ERAP1: variants seen among roughly 807,000 people sequenced by gnomAD.
ERAP1 encodes the protein adipocyte-derived leucine aminopeptidase.
A neutral mutation model predicts 103.7 loss-of-function variants in ERAP1; 86 were observed. The observed-to-expected ratio is 0.83, with a 90% CI of 0.70 to 0.99. The LOEUF (loss-of-function observed/expected upper bound fraction) is 0.99, where lower values mean the gene tolerates loss of function less well. ERAP1 is among the 50% of genes least tolerant of loss of function. ERAP1 has a pLI of 0.00. For missense variants in ERAP1, 1,009 were observed against 1,128.4 expected (o/e 0.89, Z 1.52); for synonymous variants, 398 against 402.4 (o/e 0.99, Z 0.13).
the ERAP1 span, among the ~76,000 whole-genome samples, chr5:96,928,328 T>A: frequency 5.3e-5 from 8 of 152,230 alleles, no homozygotes; most frequent in Non-Finnish European, 1.0e-4. Flanking sequence ...ATCCCCCATA[T>A]TTCAGAATGT....
chr5:96,921,396 T>A, the ERAP1 span, among the ~76,000 whole-genome samples: 2 of 152,246 alleles, frequency 1.3e-5, no homozygotes, highest in Non-Finnish European at 2.9e-5. Context: ...ATTTATTTTC[T>A]TATGTACAAA....
At chr5:96,908,305 C>T in the ERAP1 span, among the ~76,000 whole-genome samples, 554 of 152,252 alleles carry the variant, frequency 3.6e-3, 3 homozygotes, top group African/African-American at 0.013. Flanking sequence ...TATAATCGTT[C>T]GTTTCCTCTA....
chr5:96,815,234 G>A, the ERAP1 span, among the ~76,000 whole-genome samples: 1 of 152,130 alleles, frequency 6.6e-6, no homozygotes, highest in African/African-American at 2.4e-5. Flanking sequence ...CCTGGTGGTA[G>A]ATTGCTAAAC....
At chr5:96,908,944 T>C in the ERAP1 span, 8 of 1,606,810 alleles carry the variant, frequency 5.0e-6, no homozygotes, top group Non-Finnish European at 6.8e-6. Flanking sequence ...ACCACTGACA[T>C]TTGTTTTATA....
the ERAP1 span, chr5:96,873,186 C>CAA: frequency 3.5e-3 from 1,112 of 318,244 alleles, 1 homozygote; most frequent in South Asian, 4.6e-3. Flanking sequence ...GAGACTTTGT[C>CAA]AAAAAAAAAA....
chr5:96,891,535 T>TAC, the ERAP1 span, among the ~76,000 whole-genome samples: 794 of 138,978 alleles, frequency 5.7e-3, 7 homozygotes, highest in African/African-American at 0.012. Context: ...ACGGTATATA[T>TAC]ACACACACAC....
At chr5:96,881,675 T>C in the ERAP1 span, among the ~76,000 whole-genome samples, 1 of 152,118 alleles carries the variant, frequency 6.6e-6, no homozygotes, top group Non-Finnish European at 1.5e-5. Flanking sequence ...CTTCTGTCTT[T>C]CTGCTCAGCC....
At chr5:96,873,638 G>A in the ERAP1 span, 1 of 343,024 alleles carries the variant, frequency 2.9e-6, no homozygotes, top group South Asian at 2.1e-5. Context: ...AAAGCACCCT[G>A]ATGTGCTTGA....
the ERAP1 span, among the ~76,000 whole-genome samples, chr5:96,891,385 A>ATATATATATGTG: frequency 6.7e-6 from 1 of 148,658 alleles, no homozygotes; most frequent in African/African-American, 2.5e-5. Context: ...ATATATATAT[A>ATATATATATGTG]TGTGTATACA....
the ERAP1 span, among the ~76,000 whole-genome samples, chr5:96,820,356 A>C: frequency 0.095 from 14,511 of 152,172 alleles, 901 homozygotes; most frequent in Middle Eastern, 0.16. Context: ...TTGGAACGTC[A>C]ATACTGGAAA....
chr5:96,828,448 A>T, the ERAP1 span, among the ~76,000 whole-genome samples: 1 of 152,334 alleles, frequency 6.6e-6, no homozygotes, highest in East Asian at 1.9e-4. Flanking sequence ...AAACATTACT[A>T]ATTTAAATAT....
In ERAP1 at chr5:96,803,566, G is replaced by T. The variant is rs1434525366; in HGVS notation, c.361C>A (p.Gln121Lys). 4.3e-6 allele frequency: 7 copies of T among 1,614,022 alleles called. No homozygotes were observed. The highest frequency in any genetic ancestry group is 5.9e-6 in the Non-Finnish European group (7 of 1,179,886). ...TCCTGACGGGGGTGTTCCAGGACCT[G>T]CAGGGGTTCTTCCGATAGCCTCTCT... Reference protein sequence around the residue: ...AGERLSEEPLQVLEHPRQEQI... With the variant: ...AGERLSEEPLKVLEHPRQEQI... Residue 121 changes from glutamine (Q) to lysine (K), a missense_variant, in exon 2 of 19, where the codon CAG (glutamine) becomes AAG (lysine). Gln to Lys is a moderately conservative substitution (Grantham distance 53, BLOSUM62 1). Around this residue, in one of 3 missense-constraint regions of ERAP1, gnomAD observed 392 missense variants for 455.2 expected, o/e 0.86. Transcript: ENST00000443439.
chr5:96,926,676 A>G, the ERAP1 span, among the ~76,000 whole-genome samples: 4 of 152,194 alleles, frequency 2.6e-5, no homozygotes, highest in South Asian at 8.3e-4. Context: ...CTTTCTTTTT[A>G]TTGTTGAATA....
the ERAP1 span, among the ~76,000 whole-genome samples, chr5:96,868,102 C>T: frequency 6.6e-6 from 1 of 151,814 alleles, no homozygotes; most frequent in African/African-American, 2.4e-5. Context: ...AACAAACAAA[C>T]AAAAAAACTC....
Position 96,785,801 on chromosome 5 carries a change from A to T in ERAP1, c.1930T>A (p.Phe644Ile). 1 of 1,614,174 alleles carries T rather than the reference A, an allele frequency of 6.2e-7. No homozygotes were observed. Among genetic ancestry groups the T allele is most frequent in the Non-Finnish European group, 8.5e-7 (1 of 1,180,000 alleles). ...AGCGTGTATTACCTGACGAGCTGAA[A>T]TGCATTGTTAATGAGACTCGCCCGA... ...NDRASLINNA[F>I]QLVSIGKLSI... Residue 644 changes from phenylalanine to isoleucine, a missense_variant, in exon 13 of 19, where the codon TTT becomes ATT. Physicochemically the swap from Phe to Ile is conservative, Grantham distance 21 (BLOSUM62 0). This residue lies in a region of ERAP1 where 611 missense variants were observed against 651.7 expected (regional missense o/e 0.94). Transcript: ENST00000443439.
At chr5:96,874,001 A>G in the ERAP1 span, among the ~76,000 whole-genome samples, 1 of 152,008 alleles carries the variant, frequency 6.6e-6, no homozygotes, top group Non-Finnish European at 1.5e-5. Flanking sequence ...TCTGAGTAAG[A>G]GACAATTCAG....
rs1430912432 is a variant in ERAP1 at position 96,774,734 on chromosome 5, G to A, written c.*1662C>T. 20 of 982,750 alleles carry A rather than the reference G, an allele frequency of 2.0e-5. No homozygotes were observed. The highest frequency in any genetic ancestry group is 6.2e-5 in the Admixed American group (1 of 16,252). The allele number at this position is 982,750 out of a possible 1,614,324, so 60.9% of individuals were successfully genotyped here. A position where few individuals can be genotyped will look rare whatever the true frequency, so the allele number is the denominator to read the frequency against. On this transcript the variant is annotated 3_prime_UTR_variant, in exon 19 of 19. Coordinates refer to ENST00000443439, the MANE Select transcript of ERAP1 (RefSeq NM_001040458.3). ...AAGGGAAATAGTTTAGTTTGGGGTGGAAATTACCAGTGATTTCTATTTTTA... is the reference window on the plus strand; with the variant it reads ...AAGGGAAATAGTTTAGTTTGGGGTGAAAATTACCAGTGATTTCTATTTTTA...
At chr5:96,786,756 T>G in intron 11 of ERAP1, 1 of 544,100 alleles carries the variant, frequency 1.8e-6, no homozygotes, top group Non-Finnish European at 3.3e-6. Flanking sequence ...TTGGACTCCT[T>G]GAGTAGAGCT....
chr5:96,900,292 G>A, the ERAP1 span: 1 of 1,457,446 alleles, frequency 6.9e-7, no homozygotes, highest in Non-Finnish European at 9.1e-7. Context: ...TTAAAAGCTG[G>A]AGAGAAAGAG....
Sources: allele counts gnomAD v4.1 joint callset (sites outside exome capture counted in the v4.1 genomes callset), GRCh38; gene constraint gnomAD v4.1.1; regional missense constraint gnomAD v4.1.1; transcripts MANE v1.5; gene names NCBI Gene and HGNC (gene_info 2026-07-23, HGNC 2026-07-21).